Variants in CABLES1 observed in about 807,000 individuals in gnomAD.
CABLES1 encodes the protein CDK5 and ABL1 enzyme substrate 1.
CABLES1 carries 36 observed loss-of-function variants against 57.8 expected under a neutral mutation model. The observed-to-expected ratio is 0.62, with a 90% CI of 0.48 to 0.82. CABLES1 has a LOEUF of 0.82. Among genes scored for constraint, CABLES1 ranks in the 40% least tolerant of loss-of-function variants. The pLI, the probability that CABLES1 is intolerant of heterozygous loss-of-function variation, is 0.00. For synonymous variants in CABLES1, 374 were observed against 363.0 expected, an observed-to-expected ratio of 1.03 and a Z score of -0.35; for missense variants, 767 against 836.6, an observed-to-expected ratio of 0.92 and a Z score of 1.03.
chr18:23,206,085 C>T (rs1439686638), intron 3 of CABLES1, among the ~76,000 whole-genome samples: 1 of 152,168 alleles, frequency 6.6e-6, no homozygotes, highest in East Asian at 1.9e-4. Flanking sequence ...TTAAGCCACC[C>T]AGTTTGTGGT....
intron 3 of CABLES1, 140 bp downstream of exon 3, chr18:23,194,680 C>G (rs1004004850): frequency 3.3e-6 from 2 of 614,210 alleles, no homozygotes; most frequent in Non-Finnish European, 5.8e-6. Context: ...GAACCTTCCC[C>G]GACAATTTCC....
intron 7 of CABLES1, among the ~76,000 whole-genome samples, chr18:23,249,513 CTG>C (rs1268585591): frequency 6.6e-6 from 1 of 152,212 alleles, no homozygotes; most frequent in Non-Finnish European, 1.5e-5. Flanking sequence ...CCCTCAGAGA[CTG>C]TGACTCAGTG....
chr18:23,218,329 C>T (rs531225743), intron 4 of CABLES1, among the ~76,000 whole-genome samples: 4 of 119,030 alleles, frequency 3.4e-5, no homozygotes, highest in South Asian at 3.4e-4. Context: ...CCCTGCCTCC[C>T]GCATCCTCAC....
chr18:23,174,581 C>T (rs1424370745), intron 1 of CABLES1, among the ~76,000 whole-genome samples: 1 of 151,740 alleles, frequency 6.6e-6, no homozygotes, highest in Admixed American at 6.6e-5. Context: ...ACGCCATTCT[C>T]CTGCCTCAGC....
chr18:23,136,035 C>T lies in CABLES1; in HGVS notation c.273C>T (p.Gly91=). 2.6e-6 allele frequency: 3 copies of T among 1,136,262 alleles called. No individual in the cohort carries two copies. The South Asian group carries it at 1.3e-4, about 48-fold the overall frequency. The allele number at this position is 1,136,262 out of a possible 1,614,324, so 70.4% of individuals were successfully genotyped here. A position where few individuals can be genotyped will look rare whatever the true frequency, so the allele number is the denominator to read the frequency against. ...QDAEWGGGEE[G]GAAKPGAGGA... Reference sequence around the variant, plus strand: ...CGGAGTGGGGCGGTGGCGAGGAGGGCGGCGCGGCCAAGCCGGGCGCCGGCG... The same window carrying T: ...CGGAGTGGGGCGGTGGCGAGGAGGGTGGCGCGGCCAAGCCGGGCGCCGGCG... Residue 91 remains glycine (G), a synonymous_variant, in exon 1 of 10, where the codon GGC becomes GGT. Transcript: ENST00000256925.
chr18:23,170,941 C>T (rs1449122107), intron 1 of CABLES1, among the ~76,000 whole-genome samples: 5 of 152,258 alleles, frequency 3.3e-5, no homozygotes, highest in African/African-American at 1.2e-4. Flanking sequence ...GGACTACAGG[C>T]GTCCGCCACC....
chr18:23,203,827 C>G (rs2047343460), intron 3 of CABLES1, among the ~76,000 whole-genome samples: 1 of 152,180 alleles, frequency 6.6e-6, no homozygotes, highest in Admixed American at 6.5e-5. Context: ...TTCTGTGGGG[C>G]ACCTTGCAAC....
chr18:23,161,700 G>A (rs572923467), intron 1 of CABLES1, among the ~76,000 whole-genome samples: 2 of 149,512 alleles, frequency 1.3e-5, no homozygotes, highest in African/African-American at 5.0e-5. Context: ...CACAAGGTCA[G>A]GAGATCGAGA....
chr18:23,163,367 A>G (rs765438057), intron 1 of CABLES1, among the ~76,000 whole-genome samples: 1 of 152,158 alleles, frequency 6.6e-6, no homozygotes, highest in Non-Finnish European at 1.5e-5. Context: ...GATGATGTTC[A>G]AAGCCAAAGG....
chr18:23,150,207 G>GTTTTTTTTTTTTTTTTT (rs10638130), intron 1 of CABLES1, among the ~76,000 whole-genome samples: 4 of 106,674 alleles, frequency 3.7e-5, no homozygotes, highest in Non-Finnish European at 5.2e-5. Flanking sequence ...GTTGGTGTTT[G>GTTTTTTTTTTTTTTTTT]TTTTTTTTTT....
chr18:23,144,616 G>A (rs2046879927), intron 1 of CABLES1, among the ~76,000 whole-genome samples: 1 of 152,212 alleles, frequency 6.6e-6, no homozygotes, highest in South Asian at 2.1e-4. Flanking sequence ...CTTTAGAGCT[G>A]AGAAGACTGA....
At chr18:23,232,326 C>T (rs1412979113) in intron 4 of CABLES1, among the ~76,000 whole-genome samples, 2 of 152,204 alleles carry the variant, frequency 1.3e-5, no homozygotes, top group Admixed American at 1.3e-4. Flanking sequence ...CTGGCTTTGG[C>T]TTTGGAAAAG....
chr18:23,202,834 A>C (rs1422163035), intron 3 of CABLES1, among the ~76,000 whole-genome samples: 1 of 152,076 alleles, frequency 6.6e-6, no homozygotes, highest in Non-Finnish European at 1.5e-5. Flanking sequence ...AAAATACAAA[A>C]AAATTAGCCG....
intron 4 of CABLES1, among the ~76,000 whole-genome samples, chr18:23,225,828 T>G (rs370442778): frequency 6.6e-6 from 1 of 152,234 alleles, no homozygotes; most frequent in African/African-American, 2.4e-5. Flanking sequence ...TTCTCAACTT[T>G]CCTAAATAGG....
intron 1 of CABLES1, among the ~76,000 whole-genome samples, chr18:23,147,058 C>T (rs190899179): frequency 2.0e-5 from 3 of 152,326 alleles, no homozygotes; most frequent in African/African-American, 4.8e-5. Context: ...ATCAAGCGAG[C>T]ATGCTGATTT....
intron 4 of CABLES1, among the ~76,000 whole-genome samples, chr18:23,223,820 G>A (rs1346455381): frequency 6.6e-6 from 1 of 152,070 alleles, no homozygotes; most frequent in African/African-American, 2.4e-5. Context: ...GTGTTAGGAA[G>A]CTGTCAGGAC....
chr18:23,138,708 T>A (rs1263222251), intron 1 of CABLES1, among the ~76,000 whole-genome samples: 1 of 152,234 alleles, frequency 6.6e-6, no homozygotes, highest in Non-Finnish European at 1.5e-5. Flanking sequence ...CGAGGCCAGC[T>A]TTTCTGGTTT....
rs59555750 is a variant in CABLES1, at chr18:23,248,512, C to CTTTTTTTTT, written c.1447-4430_1447-4422dup. ...CTGGCAATGTAGCAAGACCCTATGT[C>CTTTTTTTTT]TTTTTTTTTTTTTTTTTTTTTTTTT... On this transcript the variant is annotated intron_variant, in intron 7 of 9. Coordinates refer to ENST00000256925, the MANE Select transcript of CABLES1 (RefSeq NM_001100619.3). 8.3e-4 allele frequency among the ~76,000 whole-genome samples: 75 copies of CTTTTTTTTT among 90,716 alleles called. 5 individuals are homozygous for CTTTTTTTTT. The highest frequency in any genetic ancestry group is 2.2e-3 in the African/African-American group (52 of 23,146). The allele number at this position is 90,716 out of a possible 152,430, so 59.5% of individuals were successfully genotyped here.
At chr18:23,244,404 G>T (rs1269167711) in intron 7 of CABLES1, among the ~76,000 whole-genome samples, 1 of 152,224 alleles carries the variant, frequency 6.6e-6, no homozygotes, top group Admixed American at 6.5e-5. Context: ...TCGGTATTTT[G>T]AATTCGATGG....
Sources: gnomAD v4.1 joint callset for allele counts (sites outside exome capture counted in the v4.1 genomes callset) on GRCh38, gnomAD v4.1.1 for gene constraint, MANE v1.5 for transcripts, NCBI Gene and HGNC (gene_info 2026-07-23, HGNC 2026-07-21) for gene names.